CELSR1: variants seen among roughly 807,000 people sequenced by gnomAD.
CELSR1 encodes adhesion G protein-coupled receptor C1.
In CELSR1, 110 loss-of-function variants were observed where a neutral mutation model predicts 249.1. The observed-to-expected ratio is 0.44, with a 90% confidence interval of 0.38 to 0.52. The LOEUF is 0.52. Ranked by LOEUF, CELSR1 falls within the 20% of genes least tolerant of loss-of-function variation. The pLI is 0.00. For synonymous variants in CELSR1, 2,113 were observed against 1,900.0 expected (o/e 1.11, Z -2.92); for missense variants, 4,109 against 4,296.4 (o/e 0.96, Z 1.22).
intron 1 of CELSR1, among the ~76,000 whole-genome samples, chr22:46,501,497 C>T (rs575453533): frequency 3.9e-5 from 6 of 152,212 alleles, no homozygotes; most frequent in Admixed American, 2.0e-4. Flanking sequence ...TGAGCCACCG[C>T]GCCCTGCCCC....
rs879577987 is a variant in CELSR1, at chr22:46,430,239, A to G, written c.4611+3154T>C. 6.6e-6 allele frequency among the ~76,000 whole-genome samples: 1 copy of G among 152,286 alleles called. No homozygotes were observed. Among genetic ancestry groups the G allele is most frequent in the African/African-American group, 2.4e-5 (1 of 41,546 alleles). ...GGCAGCAGCGGCATGGCCCGCACCAATGCTTCCACCCTCTCCAGACTGCTG... is the reference window on the plus strand; with the variant it reads ...GGCAGCAGCGGCATGGCCCGCACCAGTGCTTCCACCCTCTCCAGACTGCTG... On this transcript the variant is annotated intron_variant, in intron 5 of 34. Transcript: ENST00000674500. This position sits in a 1 kb window ranked among gnomAD's most constrained non-coding sequence, Gnocchi z 4.6.
At chr22:46,426,063 A>G (rs1569154623) in intron 5 of CELSR1, among the ~76,000 whole-genome samples, 1 of 134,972 alleles carries the variant, frequency 7.4e-6, no homozygotes, top group Non-Finnish European at 1.6e-5. Context: ...GTCTCTATGC[A>G]GACCCATCTC....
chr22:46,500,244 A>G lies in CELSR1; in HGVS notation c.3544+33383T>C, dbSNP rs1304233659. On this transcript the variant is annotated intron_variant, in intron 1 of 34. Coordinates refer to ENST00000674500, the MANE Select transcript of CELSR1 (RefSeq NM_001378328.1). This position sits in a 1 kb window ranked among gnomAD's most constrained non-coding sequence, Gnocchi z 4.9. ...GGAAAGCTGGGCTCACGGTGTCTGC[A>G]GGACTCAAGGAAGGGACATAACTGC... 6.6e-6 allele frequency among the ~76,000 whole-genome samples: 1 copy of G among 151,932 alleles called. No individual in the cohort carries two copies. The highest frequency in any genetic ancestry group is 1.5e-5 in the Non-Finnish European group (1 of 68,020).
At position 46,364,559 on chromosome 22, in the gene CELSR1, C is replaced by T; in HGVS notation, c.8732G>A (p.Gly2911Glu). ...RGEYPPDQES[G>E]GAARLASSQP... is the part of the protein sequence containing the mutation. ...GCTGCTAGCAAGCCTGGCTGCGCCCCCGCTCTCCTGGTCCGGGGGGTACTC... is the reference window on the plus strand; with the variant it reads ...GCTGCTAGCAAGCCTGGCTGCGCCCTCGCTCTCCTGGTCCGGGGGGTACTC... The change falls in exon 33 of 35, where the codon GGG becomes GAG. Residue 2911 changes from glycine (G) to glutamate (E), a missense_variant. Physicochemically the swap from Gly to Glu is moderately conservative, Grantham distance 98 (BLOSUM62 -2). Transcript: ENST00000674500. The T allele has an allele frequency of 6.2e-7, 1 of 1,612,330 alleles. No homozygotes were observed. The highest frequency in any genetic ancestry group is 1.3e-5 in the African/African-American group (1 of 75,062).
chr22:46,381,973 C>T lies in CELSR1; in HGVS notation c.6961G>A (p.Ala2321Thr). Residue 2321 changes from alanine (A) to threonine (T), a missense_variant, in exon 21 of 35, where the codon GCC becomes ACC. Physicochemically the swap from Ala to Thr is moderately conservative, Grantham distance 58 (BLOSUM62 0). This residue lies in a region of CELSR1 where 1,805 missense variants were observed against 1,831.6 expected (regional missense o/e 0.99). Coordinates refer to ENST00000674500, the MANE Select transcript of CELSR1 (RefSeq NM_001378328.1). This position sits in a 1 kb window ranked among gnomAD's most constrained non-coding sequence, Gnocchi z 6.0. ...TGTCGCCTCCGCCTGCTGATCGGGG[C>T]CTCCCTCTCGGTGCCAGGCCCCGGG... ...TRPGPGTERE[A>T]PISRRRRHPD... 1 of 1,565,584 alleles carries T rather than the reference C, an allele frequency of 6.4e-7. No individual in the cohort carries two copies. Among genetic ancestry groups the T allele is most frequent in the South Asian group, 1.2e-5 (1 of 85,178 alleles).
At chr22:46,368,020 T>C (rs1191326099) in intron 27 of CELSR1, among the ~76,000 whole-genome samples, 165 bp from the exon 28 acceptor site, 1 of 152,120 alleles carries the variant, frequency 6.6e-6, no homozygotes, top group African/African-American at 2.4e-5. Flanking sequence ...CCTCCCCTCG[T>C]AGCCAGGTAC....
chr22:46,452,981 G>A (rs920843949), intron 2 of CELSR1, among the ~76,000 whole-genome samples: 1 of 152,228 alleles, frequency 6.6e-6, no homozygotes, highest in African/African-American at 2.4e-5. Flanking sequence ...GGGACATTCA[G>A]GTGGGATGGG....
rs932953352 is a variant in CELSR1, at chr22:46,366,412, G to T, written c.8274C>A (p.Ser2758=). 6.5e-6 allele frequency: 10 copies of T among 1,549,922 alleles called. No individual in the cohort carries two copies. Among genetic ancestry groups the T allele is most frequent in the Non-Finnish European group, 7.8e-6 (9 of 1,146,558 alleles). Residue 2758 remains serine (S), a synonymous_variant, in exon 30 of 35, where the codon TCC becomes TCA. Transcript: ENST00000674500. ...TGACGATGCTGTCCAGCGAGGCGGT[G>T]GACTCGCCCAAGTCTGTGCGCAGCA... The part of the protein sequence containing the change: ...PDMLRTDLGE[S]TASLDSIVRD...
chr22:46,422,368 A>T (rs1014887651), intron 5 of CELSR1, among the ~76,000 whole-genome samples: 1 of 151,888 alleles, frequency 6.6e-6, no homozygotes, highest in Non-Finnish European at 1.5e-5. Flanking sequence ...TCGGCCTCCC[A>T]AAGTGCTAGG....
chr22:46,450,326 T>C (rs1161361750), intron 2 of CELSR1, among the ~76,000 whole-genome samples: 4 of 152,126 alleles, frequency 2.6e-5, no homozygotes, highest in Non-Finnish European at 5.9e-5. Flanking sequence ...CAGGCTGACA[T>C]AGAGATGGAG....
intron 5 of CELSR1, among the ~76,000 whole-genome samples, chr22:46,418,463 C>T (rs765456501): frequency 1.3e-5 from 2 of 151,812 alleles, no homozygotes; most frequent in East Asian, 1.9e-4. Context: ...CCAGCCTGGG[C>T]GACAGAGCAA....
At chr22:46,366,159 T>TGCG (rs2078775662) in intron 30 of CELSR1, among the ~76,000 whole-genome samples, 1 of 3,282 alleles carries the variant, frequency 3.0e-4, no homozygotes, top group Admixed American at 3.4e-3. Flanking sequence ...TGGGGGAAGT[T>TGCG]GGTGGGGGAA....
intron 33 of CELSR1, 87 bp from the exon 34 acceptor site, chr22:46,364,338 C>T: frequency 2.6e-6 from 4 of 1,553,052 alleles, no homozygotes; most frequent in Non-Finnish European, 3.5e-6. Context: ...CCAGCCTCAG[C>T]CCCTGTCCTT....
Position 46,363,954 on chromosome 22 carries a change from G to C in CELSR1, c.9035+42C>G. On this transcript the variant is annotated intron_variant, in intron 34 of 34. Transcript: ENST00000674500. The surrounding 1 kb of genome is among the most constrained non-coding windows in gnomAD (Gnocchi z 4.3). ...CTCTCTCTCCTGACTCAGGACAAGG[G>C]GGAAGTGGGTGATCCCCGCCCTGGA... The C allele has an allele frequency of 6.5e-7, 1 of 1,534,386 alleles. No homozygotes were observed. Among genetic ancestry groups the C allele is most frequent in the Non-Finnish European group, 8.8e-7 (1 of 1,141,110 alleles).
In CELSR1 at chr22:46,413,575, C is replaced by CCTTG. The variant is rs2079362598; in HGVS notation, c.4612-1820_4612-1817dup. ...AGAGATACGTGAGTTTCCCACACGC[C>CCTTG]CTTGTCTGTAAATCCAAGGGAGGCT... On this transcript the variant is annotated intron_variant, in intron 5 of 34. Transcript: ENST00000674500. The surrounding 1 kb of genome is among the most constrained non-coding windows in gnomAD (Gnocchi z 4.7). Among the ~76,000 whole-genome samples the CCTTG allele has an allele frequency of 6.6e-6, 1 of 152,180 alleles. No individual in the cohort carries two copies. Among genetic ancestry groups the CCTTG allele is most frequent in the Non-Finnish European group, 1.5e-5 (1 of 68,038 alleles).
chr22:46,403,971 C>CAAAAAA (rs756055741), intron 9 of CELSR1, among the ~76,000 whole-genome samples: 12 of 48,374 alleles, frequency 2.5e-4, no homozygotes, highest in Non-Finnish European at 3.3e-4. Context: ...AACTCCGTCT[C>CAAAAAA]AAAAAAAAAA....
chr22:46,386,352 A>G (rs6008788), intron 19 of CELSR1, 50 bp downstream of exon 19: 157,289 of 1,455,026 alleles, frequency 0.11, 14,926 homozygotes, highest in African/African-American at 0.5. Context: ...GCTCTGGGGC[A>G]CACCCCTGAT....
Position 46,439,161 on chromosome 22 carries a change from C to T in CELSR1, c.4406+28G>A, listed in dbSNP as rs143386088. 1.3e-3 allele frequency: 2,113 copies of T among 1,593,922 alleles called. 19 individuals are homozygous for T. The African/African-American group carries it at 0.021, about 16-fold the overall frequency. ...CTCGCCCCTTTCCTAAAGAGACCCCCGTGTGGCGCGGCGGGACGCACACTC... is the reference window on the plus strand; with the variant it reads ...CTCGCCCCTTTCCTAAAGAGACCCCTGTGTGGCGCGGCGGGACGCACACTC... On this transcript the variant is annotated intron_variant, in intron 3 of 34. Transcript: ENST00000674500.
rs187468117 is a variant in CELSR1, at chr22:46,393,887, G to A, written c.5964+255C>T. Among the ~76,000 whole-genome samples, 107 of 152,328 alleles carry A rather than the reference G, an allele frequency of 7.0e-4. No homozygotes were observed. Among genetic ancestry groups the A allele is most frequent in the Non-Finnish European group, 1.2e-3 (83 of 68,034 alleles). ...GAGGAGGCAGGGATTCCTGTTCCAC[G>A]GGCGGGGGCTGGCAGGGCTGAACCC... is the stretch of plus-strand genomic sequence containing the variant. On this transcript the variant is annotated intron_variant, in intron 14 of 34. Coordinates refer to ENST00000674500, the MANE Select transcript of CELSR1 (RefSeq NM_001378328.1). The surrounding 1 kb of genome is among the most constrained non-coding windows in gnomAD (Gnocchi z 4.1).
Sources: gnomAD v4.1 joint callset for allele counts (sites outside exome capture counted in the v4.1 genomes callset) on GRCh38, gnomAD v4.1.1 for gene constraint, gnomAD v4.1.1 regional missense constraint, Gnocchi (gnomAD v3.1) non-coding constraint, MANE v1.5 for transcripts, NCBI Gene and HGNC (gene_info 2026-07-23, HGNC 2026-07-21) for gene names.